ZFHX3: variants seen among roughly 807,000 people sequenced by gnomAD.
ZFHX3 encodes the protein zinc finger homeobox protein 3.
Under a neutral mutation model 279.1 loss-of-function variants are expected in ZFHX3, and 42 were observed. That is an observed-to-expected ratio of 0.15 (90% CI 0.12 to 0.19). The LOEUF is 0.19. ZFHX3 is among the 10% of genes least tolerant of loss of function. ZFHX3 has a pLI of 1.00. For synonymous variants in ZFHX3, 2,293 were observed against 1,957.8 expected (o/e 1.17, Z -4.52); for missense variants, 4,981 against 4,754.0 (o/e 1.05, Z -1.40).
At chr16:73,387,711 T>C (rs116954888) in intron 3 of ZFHX3, among the ~76,000 whole-genome samples, 2 of 152,214 alleles carry the variant, frequency 1.3e-5, no homozygotes, top group East Asian at 3.9e-4. Flanking sequence ...GGCAGTACTT[T>C]TAAGAACTGG....
At chr16:73,727,356 A>G (rs1246555576) in intron 1 of ZFHX3, among the ~76,000 whole-genome samples, 1 of 152,236 alleles carries the variant, frequency 6.6e-6, no homozygotes, top group Non-Finnish European at 1.5e-5. Context: ...AACTGGGGTA[A>G]CCGAGTATGG....
At chr16:73,098,671 T>C (rs903711950) in intron 7 of ZFHX3, 4 of 152,236 alleles carry the variant, frequency 2.6e-5, no homozygotes, top group African/African-American at 9.6e-5. Flanking sequence ...TGTATATCTA[T>C]GTTTTGACCA....
At chr16:73,472,371 G>A (rs1050512315) in intron 2 of ZFHX3, among the ~76,000 whole-genome samples, 1 of 151,936 alleles carries the variant, frequency 6.6e-6, no homozygotes, top group Non-Finnish European at 1.5e-5. Flanking sequence ...TAGCTGGCTT[G>A]GTAAAACTAA....
chr16:72,932,880 G>C (rs995264214), intron 3 of ZFHX3, among the ~76,000 whole-genome samples: 1 of 152,076 alleles, frequency 6.6e-6, no homozygotes, highest in Non-Finnish European at 1.5e-5. Flanking sequence ...TAAGTCATTC[G>C]AGAGTCCTAT....
chr16:72,796,064 G>C lies in ZFHX3; in HGVS notation c.6618C>G (p.Asp2206Glu). The change falls in exon 9 of 10, where the codon GAC becomes GAG. Residue 2206 changes from aspartate (D) to glutamate (E), a missense_variant. Around this residue, in one of 7 missense-constraint regions of ZFHX3, gnomAD observed 177 missense variants for 244.2 expected, o/e 0.72. Coordinates refer to ENST00000268489, the MANE Select transcript of ZFHX3 (RefSeq NM_006885.4). ...GAGGATTACTGAAGTTGTAAGGGGA[G>C]TCCTTGTTACGCTGCCTCTCTTTGA... ...TLFKERQRNK[D>E]SPYNFSNPPI... The C allele has an allele frequency of 6.2e-7, 1 of 1,614,214 alleles. No individual in the cohort carries two copies. Among genetic ancestry groups the C allele is most frequent in the African/African-American group, 1.3e-5 (1 of 75,046 alleles).
chr16:72,934,733 G>C (rs183127465), intron 3 of ZFHX3, among the ~76,000 whole-genome samples: 5 of 152,084 alleles, frequency 3.3e-5, no homozygotes, highest in Admixed American at 3.3e-4. Context: ...TTTGTATTAC[G>C]TATCACAGTA....
chr16:73,081,148 C>G (rs1965939149), intron 8 of ZFHX3: 1 of 152,266 alleles, frequency 6.6e-6, no homozygotes. Flanking sequence ...CTCACTGTCC[C>G]AGCACCAGAA....
chr16:72,946,329 G>A (rs906091568), intron 3 of ZFHX3, among the ~76,000 whole-genome samples: 1 of 152,126 alleles, frequency 6.6e-6, no homozygotes, highest in Non-Finnish European at 1.5e-5. Context: ...TCAACACCGT[G>A]GTAGACAACC....
chr16:73,777,800 G>A (rs1438565398), intron 1 of ZFHX3, among the ~76,000 whole-genome samples: 1 of 152,144 alleles, frequency 6.6e-6, no homozygotes, highest in Non-Finnish European at 1.5e-5. Context: ...TGAGGCTCAG[G>A]CAGGTTACTG....
At chr16:73,372,336 A>C (rs1044280861) in intron 3 of ZFHX3, among the ~76,000 whole-genome samples, 28 of 152,236 alleles carry the variant, frequency 1.8e-4, no homozygotes, top group African/African-American at 6.8e-4. Flanking sequence ...CATGTGAGAC[A>C]GAAATATCTG....
In ZFHX3 at chr16:72,785,567, A is replaced by AACCCTTTC. The variant is rs1188940438; in HGVS notation, c.*1589_*1596dup. On this transcript the variant is annotated 3_prime_UTR_variant, in exon 10 of 10. Transcript: ENST00000268489. ...CAGAAACAAATTCTCAAGTAACAAG[A>AACCCTTTC]ACCCTTTCCCTTTTTTCTGCATCAG... The AACCCTTTC allele has an allele frequency of 6.6e-6, 1 of 152,566 alleles. No homozygotes were observed. The highest frequency in any genetic ancestry group is 1.9e-4 in the East Asian group (1 of 5,186). The allele number at this position is 152,566 out of a possible 1,614,324, so 9.5% of individuals were successfully genotyped here.
At chr16:73,512,949 G>A (rs530405575) in intron 2 of ZFHX3, among the ~76,000 whole-genome samples, 5 of 152,234 alleles carry the variant, frequency 3.3e-5, no homozygotes, top group Non-Finnish European at 7.3e-5. Context: ...ATCGGTGGCT[G>A]ACCTCTGTAG....
intron 7 of ZFHX3, among the ~76,000 whole-genome samples, chr16:72,806,714 C>A (rs932249954): frequency 1.3e-5 from 2 of 152,028 alleles, no homozygotes; most frequent in African/African-American, 4.8e-5. Context: ...AAAAAAATCA[C>A]AAGGTTACAA....
intron 5 of ZFHX3, among the ~76,000 whole-genome samples, chr16:72,812,743 G>A (rs2036494826): frequency 6.6e-6 from 1 of 152,098 alleles, no homozygotes; most frequent in Non-Finnish European, 1.5e-5. Context: ...CTATCTGCTT[G>A]CCCAAACCAT....
chr16:73,146,336 G>A (rs932984217), intron 5 of ZFHX3, among the ~76,000 whole-genome samples: 1 of 151,952 alleles, frequency 6.6e-6, no homozygotes, highest in South Asian at 2.1e-4. Context: ...GCTGAGGCAG[G>A]AAAATCGCTT....
intron 5 of ZFHX3, among the ~76,000 whole-genome samples, chr16:73,248,011 T>G (rs143508009): frequency 5.3e-5 from 8 of 151,910 alleles, no homozygotes; most frequent in Non-Finnish European, 1.0e-4. Context: ...GTGTGTATAC[T>G]ATGTATATAA....
chr16:72,959,719 T>A lies in ZFHX3; in HGVS notation c.427A>T (p.Ile143Phe). The A allele has an allele frequency of 3.7e-6, 6 of 1,613,846 alleles. No homozygotes were observed. The highest frequency in any genetic ancestry group is 5.1e-6 in the Non-Finnish European group (6 of 1,179,964). Residue 143 changes from isoleucine to phenylalanine, a missense_variant, in exon 2 of 10, where the codon ATT (isoleucine) becomes TTT (phenylalanine). Around this residue, in one of 7 missense-constraint regions of ZFHX3, gnomAD observed 1,068 missense variants for 935.2 expected, o/e 1.14. Transcript: ENST00000268489. Reference protein sequence around the residue: ...IVYQPDGSAYIVESLSQLTQG... With the variant: ...IVYQPDGSAYFVESLSQLTQG... ...GTCAGCTGGCTCAGGCTCTCCACAA[T>A]GTACGCGGAGCCGTCCGGCTGGTAG...
chr16:73,675,063 G>A (rs567325105), intron 2 of ZFHX3, among the ~76,000 whole-genome samples: 1 of 152,186 alleles, frequency 6.6e-6, no homozygotes, highest in Non-Finnish European at 1.5e-5. Context: ...CCAAGAGGAA[G>A]CTTTGGGTCT....
At chr16:73,455,309 T>G (rs908548241) in intron 3 of ZFHX3, among the ~76,000 whole-genome samples, 6 of 152,160 alleles carry the variant, frequency 3.9e-5, no homozygotes, top group Non-Finnish European at 4.4e-5. Flanking sequence ...AGTGGAAAAT[T>G]GATTGCGAGA....
Sources: allele counts gnomAD v4.1 joint callset (sites outside exome capture counted in the v4.1 genomes callset), GRCh38; gene constraint gnomAD v4.1.1; regional missense constraint gnomAD v4.1.1; transcripts MANE v1.5; gene names NCBI Gene and HGNC (gene_info 2026-07-23, HGNC 2026-07-21).